CSMD1: variants seen among roughly 807,000 people sequenced by gnomAD.
The protein encoded by CSMD1 is CUB and sushi domain-containing protein 1.
In CSMD1, 213 loss-of-function variants were observed where a neutral mutation model predicts 417.5. The observed-to-expected ratio is 0.51, with a 90% CI of 0.46 to 0.57. The LOEUF (loss-of-function observed/expected upper bound fraction) is 0.57, where lower values mean the gene tolerates loss of function less well. Ranked by LOEUF, CSMD1 falls within the 20% of genes least tolerant of loss-of-function variation. The pLI is 0.00. For missense variants in CSMD1, 6,923 were observed against 4,529.7 expected, an observed-to-expected ratio of 1.53 and a Z score of -15.17; for synonymous variants, 2,862 against 1,736.8, an observed-to-expected ratio of 1.65 and a Z score of -16.11.
intron 6 of CSMD1, among the ~76,000 whole-genome samples, chr8:3,751,451 G>T (rs992833565): frequency 1.4e-5 from 2 of 147,358 alleles, no homozygotes; most frequent in East Asian, 2.0e-4. Context: ...ACATATAAAT[G>T]TTTATACTTA....
chr8:3,790,605 T>C (rs753477321), intron 5 of CSMD1, among the ~76,000 whole-genome samples: 5 of 152,174 alleles, frequency 3.3e-5, no homozygotes, highest in Non-Finnish European at 7.4e-5. Context: ...ACACAACAAT[T>C]ACATTTCACA....
intron 12 of CSMD1, among the ~76,000 whole-genome samples, chr8:3,414,348 C>T (rs1333235318): frequency 6.6e-6 from 1 of 151,634 alleles, no homozygotes; most frequent in African/African-American, 2.4e-5. Context: ...CTTACATAGT[C>T]CAGTTACAAA....
intron 1 of CSMD1, among the ~76,000 whole-genome samples, chr8:4,752,225 ATTTT>A (rs923144640): frequency 6.6e-6 from 1 of 152,038 alleles, no homozygotes; most frequent in Non-Finnish European, 1.5e-5. Flanking sequence ...TCATATCTTA[ATTTT>A]TTTGTCTCAG....
intron 3 of CSMD1, among the ~76,000 whole-genome samples, chr8:4,079,768 A>C (rs1800025261): frequency 6.6e-6 from 1 of 152,188 alleles, no homozygotes; most frequent in African/African-American, 2.4e-5. Flanking sequence ...TATGCAATTA[A>C]TAACCCATGT....
At chr8:4,684,692 A>T (rs1449663758) in intron 1 of CSMD1, among the ~76,000 whole-genome samples, 1 of 152,224 alleles carries the variant, frequency 6.6e-6, no homozygotes, top group Non-Finnish European at 1.5e-5. Context: ...CATCATACAT[A>T]CGCTTTCCCT....
intron 20 of CSMD1, among the ~76,000 whole-genome samples, chr8:3,360,310 T>G (rs1809074556): frequency 6.6e-6 from 1 of 152,244 alleles, no homozygotes; most frequent in South Asian, 2.1e-4. Context: ...ATGTCAGCAC[T>G]GATATCTCAC....
In CSMD1 at chr8:4,220,891, G is replaced by A. The variant is rs906741307; in HGVS notation, c.416-188792C>T. ...CAAGTAAGAAGATTTGGGACTGGAT[G>A]TGGGAGGAATAAGTAGGCTTCCTGA... On this transcript the variant is annotated intron_variant, in intron 3 of 69. Transcript: ENST00000635120. Among the ~76,000 whole-genome samples, 25 of 152,304 alleles carry A rather than the reference G, an allele frequency of 1.6e-4. No homozygotes were observed. The East Asian group carries it at 4.7e-3, about 28-fold the overall frequency.
At chr8:4,589,154 GAGAAAAGAA>G (rs1799860064) in intron 2 of CSMD1, among the ~76,000 whole-genome samples, 1 of 152,062 alleles carries the variant, frequency 6.6e-6, no homozygotes, top group Admixed American at 6.5e-5. Context: ...TGCTCTCAAT[GAGAAAAGAA>G]AGAAAAGTGC....
At chr8:3,252,703 A>T (rs199703994) in intron 26 of CSMD1, among the ~76,000 whole-genome samples, 1 of 151,948 alleles carries the variant, frequency 6.6e-6, no homozygotes, top group Admixed American at 6.6e-5. Context: ...GACTTTTTTT[A>T]GGTTGGTAAG....
rs144517586 is a variant in CSMD1 at position 3,297,195 on chromosome 8, G to A, written c.3950+10500C>T. 5.9e-5 allele frequency among the ~76,000 whole-genome samples: 9 copies of A among 152,066 alleles called. No homozygotes were observed. The East Asian group carries it at 1.7e-3, about 29-fold the overall frequency. Reference sequence around the variant, plus strand: ...CATACAAAAGCTAAATAAATGGAGAGGTATACAATATCAAGGACCAGAAAG... The same window carrying A: ...CATACAAAAGCTAAATAAATGGAGAAGTATACAATATCAAGGACCAGAAAG... On this transcript the variant is annotated intron_variant, in intron 25 of 69. Coordinates refer to ENST00000635120, the MANE Select transcript of CSMD1 (RefSeq NM_033225.6).
chr8:4,209,917 G>T (rs904809855), intron 3 of CSMD1, among the ~76,000 whole-genome samples: 1 of 152,130 alleles, frequency 6.6e-6, no homozygotes, highest in Non-Finnish European at 1.5e-5. Context: ...CATGGAAAGC[G>T]GTGACCACGT....
chr8:4,082,409 C>T (rs1057084535), intron 3 of CSMD1, among the ~76,000 whole-genome samples: 12 of 152,028 alleles, frequency 7.9e-5, no homozygotes, highest in African/African-American at 1.2e-4. Flanking sequence ...TACAACAAAA[C>T]CCAGTATTTT....
chr8:3,945,192 A>G (rs912306736), intron 5 of CSMD1, among the ~76,000 whole-genome samples: 10 of 151,894 alleles, frequency 6.6e-5, no homozygotes, highest in African/African-American at 2.4e-4. Context: ...AAAAAAAAAA[A>G]AAAAACAGAA....
chr8:4,472,922 T>C (rs1347221217), intron 2 of CSMD1, among the ~76,000 whole-genome samples: 1 of 151,950 alleles, frequency 6.6e-6, no homozygotes, highest in Non-Finnish European at 1.5e-5. Flanking sequence ...ATTTTGATAA[T>C]TTACACTCCA....
At chr8:4,720,440 T>C (rs948132168) in intron 1 of CSMD1, among the ~76,000 whole-genome samples, 15 of 152,120 alleles carry the variant, frequency 9.9e-5, no homozygotes, top group African/African-American at 3.6e-4. Flanking sequence ...TTTTTTGAGA[T>C]GGAGTCTTGC....
intron 7 of CSMD1, among the ~76,000 whole-genome samples, chr8:3,670,110 A>T (rs1308801097): frequency 6.6e-6 from 1 of 152,112 alleles, no homozygotes; most frequent in African/African-American, 2.4e-5. Flanking sequence ...CAAAGTGTTG[A>T]TCCTGGGTGT....
intron 3 of CSMD1, among the ~76,000 whole-genome samples, chr8:4,236,094 C>T (rs192941156): frequency 6.1e-5 from 8 of 130,590 alleles, no homozygotes; most frequent in Admixed American, 5.5e-4. Context: ...TCCAGGTTTC[C>T]TGTAGGCCCA....
chr8:4,414,738 T>G (rs1336909820), intron 3 of CSMD1, among the ~76,000 whole-genome samples: 1 of 152,208 alleles, frequency 6.6e-6, no homozygotes, highest in Non-Finnish European at 1.5e-5. Flanking sequence ...TAAGTTGTGG[T>G]TGAGTTCAGA....
At chr8:3,362,103 G>C (rs1342488081) in intron 20 of CSMD1, among the ~76,000 whole-genome samples, 1 of 151,964 alleles carries the variant, frequency 6.6e-6, no homozygotes, top group Non-Finnish European at 1.5e-5. Context: ...TTTCCATCAA[G>C]ATAAAAATAT....
Sources: gnomAD v4.1 joint callset for allele counts (sites outside exome capture counted in the v4.1 genomes callset) on GRCh38, gnomAD v4.1.1 for gene constraint, MANE v1.5 for transcripts, NCBI Gene and HGNC (gene_info 2026-07-23, HGNC 2026-07-21) for gene names.